The following THOP1 variants were observed in gnomAD, a reference collection of about 807,000 sequenced individuals.
The protein encoded by THOP1 is thimet oligopeptidase 1.
Under a neutral mutation model 71.8 loss-of-function variants are expected in THOP1, and 49 were observed. The observed-to-expected ratio is 0.68, with a 90% CI of 0.54 to 0.87. THOP1 has a LOEUF of 0.87. Among genes scored for constraint, THOP1 ranks in the 40% least tolerant of loss-of-function variants. The pLI is 0.00. For synonymous variants in THOP1, 426 were observed against 421.5 expected (o/e 1.01, Z -0.13); for missense variants, 843 against 975.6 (o/e 0.86, Z 1.81).
At chr19:2,794,718 C>T (rs757490011) in intron 2 of THOP1, 46 bp from the exon 3 acceptor site, 1 of 1,583,392 alleles carries the variant, frequency 6.3e-7, no homozygotes, top group Non-Finnish European at 8.6e-7. Flanking sequence ...GCCAGTTGTA[C>T]TGGGGCCTGT....
At chr19:2,799,416 TGACA>T (rs1916091245) in intron 4 of THOP1, among the ~76,000 whole-genome samples, 1 of 152,232 alleles carries the variant, frequency 6.6e-6, no homozygotes, top group Non-Finnish European at 1.5e-5. Context: ...GGGCCACACC[TGACA>T]GACCGGAGCA....
At chr19:2,786,765 A>ATTTTTTTTTTTTTTT (rs550767741) in intron 1 of THOP1, among the ~76,000 whole-genome samples, 1,586 of 100,640 alleles carry the variant, frequency 0.016, 123 homozygotes, top group Middle Eastern at 0.032. Context: ...CACCTGGCTA[A>ATTTTTTTTTTTTTTT]TTTTTTTTTT....
At chr19:2,809,246 T>C (rs758361550) in intron 9 of THOP1, among the ~76,000 whole-genome samples, 3 of 152,122 alleles carry the variant, frequency 2.0e-5, no homozygotes, top group Non-Finnish European at 4.4e-5. Context: ...AACACATGGC[T>C]GGTGGCTCTG....
chr19:2,793,441 C>T (rs1915932269), intron 2 of THOP1, among the ~76,000 whole-genome samples: 1 of 152,108 alleles, frequency 6.6e-6, no homozygotes, highest in Non-Finnish European at 1.5e-5. Context: ...CCTGTAATCC[C>T]TGCACATTGG....
At chr19:2,812,272 CG>C in intron 12 of THOP1, 1 of 1,535,390 alleles carries the variant, frequency 6.5e-7, no homozygotes, top group Admixed American at 2.0e-5. Flanking sequence ...GACCCAGGCT[CG>C]GGACAGCCGC....
rs909701738 is a variant in THOP1 at position 2,796,179 on chromosome 19, G to A, written c.477G>A (p.Glu159=). ...GRRNGLHLPR[E]TQENIKRIKK... ...GAAATGGGCTTCACCTCCCCAGAGA[G>A]ACTCAGGAAGTGAGTGCTGGGTGTA... The change falls in exon 4 of 13, where the codon GAG becomes GAA. Residue 159 remains glutamate (E), a synonymous_variant. Coordinates refer to ENST00000307741, the MANE Select transcript of THOP1 (RefSeq NM_003249.5). 1.2e-6 allele frequency: 2 copies of A among 1,612,652 alleles called. No homozygotes were observed. The highest frequency in any genetic ancestry group is 2.7e-5 in the African/African-American group (2 of 74,924).
intron 4 of THOP1, among the ~76,000 whole-genome samples, chr19:2,796,675 G>T (rs908819665): frequency 6.6e-6 from 1 of 151,806 alleles, no homozygotes; most frequent in Non-Finnish European, 1.5e-5. Context: ...GGAGTACTGG[G>T]TGCGGGGAGT....
Position 2,807,725 on chromosome 19 carries a change from G to A in THOP1, c.1170G>A (p.Trp390Ter), listed in dbSNP as rs1347067455. The A allele has an allele frequency of 1.3e-6, 2 of 1,596,710 alleles. No homozygotes were observed. Among genetic ancestry groups the A allele is most frequent in the Non-Finnish European group, 1.7e-6 (2 of 1,169,344 alleles). ...AFHHEEGASA[W>*]HEDVRLYTAR... Reference sequence around the variant, plus strand: ...ACCACGAGGAGGGCGCCAGTGCCTGGCATGAGGACGTGCGGCTCTACACCG... The same window carrying A: ...ACCACGAGGAGGGCGCCAGTGCCTGACATGAGGACGTGCGGCTCTACACCG... The change falls in exon 8 of 13, where the codon TGG (tryptophan) becomes TGA (stop). Residue 390 changes from tryptophan to a stop codon, truncating the protein, a stop_gained. Coordinates refer to ENST00000307741, the MANE Select transcript of THOP1 (RefSeq NM_003249.5). LOFTEE classifies it high-confidence loss of function.
At chr19:2,793,421 G>A (rs1415976986) in intron 2 of THOP1, among the ~76,000 whole-genome samples, 2 of 152,154 alleles carry the variant, frequency 1.3e-5, no homozygotes, top group Admixed American at 6.5e-5. Flanking sequence ...GCCGGGTGCA[G>A]TGGCTCATGC....
At chr19:2,811,951 C>T (rs1916486586) in intron 12 of THOP1, 2 of 1,212,736 alleles carry the variant, frequency 1.6e-6, no homozygotes, top group Non-Finnish European at 2.2e-6. Context: ...CTGGGTGTGC[C>T]GGGTGAGCCA....
chr19:2,803,717 A>G (rs1916215536), intron 5 of THOP1, among the ~76,000 whole-genome samples: 1 of 152,096 alleles, frequency 6.6e-6, no homozygotes, highest in Non-Finnish European at 1.5e-5. Flanking sequence ...TCGGCAGACA[A>G]TTGCCAGGCC....
At position 2,808,120 on chromosome 19, in the gene THOP1, G is replaced by A. The variant is rs1170912853; in HGVS notation, c.1254-123G>A. The stretch of plus-strand genomic sequence containing the variant: ...CCAAGCCACCTCTGCTGAGAGGGAG[G>A]TTTAGAACCTCAGAGGTGCCCGGCG... On this transcript the variant is annotated intron_variant, in intron 8 of 12. Coordinates refer to ENST00000307741, the MANE Select transcript of THOP1 (RefSeq NM_003249.5). 29 of 1,160,514 alleles carry A rather than the reference G, an allele frequency of 2.5e-5. No homozygotes were observed. The East Asian group carries it at 6.5e-4, about 26-fold the overall frequency. The allele number at this position is 1,160,514 out of a possible 1,614,324, so 71.9% of individuals were successfully genotyped here. A position where few individuals can be genotyped will look rare whatever the true frequency, so the allele number is the denominator to read the frequency against.
rs759668387 is a variant in THOP1, at chr19:2,807,029, G to A, written c.863G>A (p.Ser288Asn). ...CTGGAGATGAACATGGCCAAGACCA[G>A]CCAGACCGTGGCCACCTTCCTAGGT... The part of the protein sequence containing the change: ...YVLEMNMAKT[S>N]QTVATFLDEL... The change falls in exon 7 of 13, where the codon AGC becomes AAC. Residue 288 changes from serine (S) to asparagine (N), a missense_variant. Coordinates refer to ENST00000307741, the MANE Select transcript of THOP1 (RefSeq NM_003249.5). The A allele has an allele frequency of 3.4e-5, 54 of 1,611,196 alleles. No homozygotes were observed. The Middle Eastern group carries it at 8.3e-4, about 25-fold the overall frequency.
intron 4 of THOP1, 134 bp downstream of exon 4, chr19:2,796,322 A>T: frequency 1.5e-6 from 1 of 675,964 alleles, no homozygotes; most frequent in Non-Finnish European, 2.5e-6. Flanking sequence ...GGGCTCGGGG[A>T]GTGCTCGGCT....
At chr19:2,797,213 G>A (rs1490052108) in intron 4 of THOP1, among the ~76,000 whole-genome samples, 1 of 152,174 alleles carries the variant, frequency 6.6e-6, no homozygotes, top group Non-Finnish European at 1.5e-5. Flanking sequence ...CTCATCGGGT[G>A]CCTGGCCCTA....
Position 2,810,509 on chromosome 19 carries a change from G to A in THOP1, c.1642+19G>A. 4 of 1,544,066 alleles carry A rather than the reference G, an allele frequency of 2.6e-6. No homozygotes were observed. The highest frequency in any genetic ancestry group is 3.5e-6 in the Non-Finnish European group (4 of 1,143,744). On this transcript the variant is annotated intron_variant, in intron 10 of 12. Coordinates refer to ENST00000307741, the MANE Select transcript of THOP1 (RefSeq NM_003249.5). Reference sequence around the variant, plus strand: ...AACACAGGTGCACCCGCCCCGTCCGGGGAAGGGTGCTAACCTCGGGGGGCG... The same window carrying A: ...AACACAGGTGCACCCGCCCCGTCCGAGGAAGGGTGCTAACCTCGGGGGGCG...
At chr19:2,802,548 G>A (rs1216105252) in intron 5 of THOP1, among the ~76,000 whole-genome samples, 7 of 126,498 alleles carry the variant, frequency 5.5e-5, no homozygotes, top group African/African-American at 2.1e-4. Context: ...AACACCTCCC[G>A]ACACCAACAC....
In THOP1 at chr19:2,785,648, G is replaced by A. The variant is rs747872833; in HGVS notation, c.-15G>A. The A allele has an allele frequency of 6.7e-7, 1 of 1,493,556 alleles. No individual in the cohort carries two copies. The highest frequency in any genetic ancestry group is 8.9e-7 in the Non-Finnish European group (1 of 1,120,382). The allele number at this position is 1,493,556 out of a possible 1,614,324, so 92.5% of individuals were successfully genotyped here. A position where few individuals can be genotyped will look rare whatever the true frequency, so the allele number is the denominator to read the frequency against. On this transcript the variant is annotated 5_prime_UTR_variant, in exon 1 of 13. Coordinates refer to ENST00000307741, the MANE Select transcript of THOP1 (RefSeq NM_003249.5). ...TGGAAGGAGGGAGGGAGCCGCAGGCGCAGACCCACCCGCCATGAAGCCCCC... is the reference window on the plus strand; with the variant it reads ...TGGAAGGAGGGAGGGAGCCGCAGGCACAGACCCACCCGCCATGAAGCCCCC...
rs1916239303 is a variant in THOP1, at chr19:2,804,387, C to G, written c.590-629C>G. ...CTCTGGGAGTAGGAATTGGGTCTCT[C>G]TGGAGGGACACACTTGAAAGTGGTT... On this transcript the variant is annotated intron_variant, in intron 5 of 12. Transcript: ENST00000307741. This position sits in a 1 kb window ranked among gnomAD's most constrained non-coding sequence, Gnocchi z 4.7. 6.6e-6 allele frequency among the ~76,000 whole-genome samples: 1 copy of G among 152,172 alleles called. No individual in the cohort carries two copies. Among genetic ancestry groups the G allele is most frequent in the Non-Finnish European group, 1.5e-5 (1 of 68,028 alleles).
Sources: gnomAD v4.1 joint callset for allele counts (sites outside exome capture counted in the v4.1 genomes callset) on GRCh38, gnomAD v4.1.1 for gene constraint, Gnocchi (gnomAD v3.1) non-coding constraint, MANE v1.5 for transcripts, NCBI Gene and HGNC (gene_info 2026-07-23, HGNC 2026-07-21) for gene names.